HIVEP3: variants seen among roughly 807,000 people sequenced by gnomAD.
HIVEP3 encodes the protein transcription factor HIVEP3.
In HIVEP3, 49 loss-of-function variants were observed where a neutral mutation model predicts 152.8. The ratio of observed to expected loss-of-function variants is 0.32; its 90% CI spans 0.26 to 0.41. The LOEUF (loss-of-function observed/expected upper bound fraction) is 0.41. Ranked by LOEUF, HIVEP3 falls within the 10% of genes least tolerant of loss-of-function variation. The pLI is 1.00. For missense variants in HIVEP3, 2,790 were observed against 3,103.3 expected (o/e 0.90, Z 2.40); for synonymous variants, 1,269 against 1,289.0 (o/e 0.98, Z 0.33).
intron 1 of HIVEP3, among the ~76,000 whole-genome samples, chr1:41,978,347 A>G (rs1195098626): frequency 2.0e-5 from 3 of 152,046 alleles, no homozygotes; most frequent in Non-Finnish European, 4.4e-5. Context: ...CTGTCTTTGT[A>G]GATAGGGGCT....
At chr1:41,896,677 C>T (rs111944959) in intron 1 of HIVEP3, among the ~76,000 whole-genome samples, 5 of 151,412 alleles carry the variant, frequency 3.3e-5, no homozygotes, top group Non-Finnish European at 7.4e-5. Flanking sequence ...CGGGTTCAAG[C>T]GATTCTCCTG....
chr1:41,629,196 G>C (rs1045514565), intron 2 of HIVEP3, among the ~76,000 whole-genome samples: 3 of 152,120 alleles, frequency 2.0e-5, no homozygotes, highest in Admixed American at 2.0e-4. Flanking sequence ...CGGTTCCCCT[G>C]GTGCACAGAC....
At chr1:41,691,375 TGACATGAC>T (rs1376548430) in intron 2 of HIVEP3, among the ~76,000 whole-genome samples, 1 of 152,198 alleles carries the variant, frequency 6.6e-6, no homozygotes, top group East Asian at 1.9e-4. Context: ...AGATAACTAC[TGACATGAC>T]CATCTGCTAT....
intron 1 of HIVEP3, among the ~76,000 whole-genome samples, chr1:41,731,137 G>C (rs535837464): frequency 6.6e-6 from 1 of 152,128 alleles, no homozygotes; most frequent in Admixed American, 6.5e-5. Flanking sequence ...GGTGTACTGC[G>C]TACAGCTGTC....
chr1:41,715,794 C>T (rs1237908398), intron 1 of HIVEP3, among the ~76,000 whole-genome samples: 1 of 152,190 alleles, frequency 6.6e-6, no homozygotes, highest in Non-Finnish European at 1.5e-5. Context: ...TATCAAACAC[C>T]AGGCTTCATG....
chr1:41,958,322 CAT>C (rs1645151138), intron 1 of HIVEP3, among the ~76,000 whole-genome samples: 1 of 152,198 alleles, frequency 6.6e-6, no homozygotes, highest in Non-Finnish European at 1.5e-5. Flanking sequence ...GAGACAATGC[CAT>C]TGTAAGTAAA....
At chr1:42,034,765 T>C (rs6698877) in intron 1 of HIVEP3, among the ~76,000 whole-genome samples, 103,570 of 152,036 alleles carry the variant, frequency 0.68, 35,929 homozygotes, top group East Asian at 0.96. Flanking sequence ...TCAGTGTTTT[T>C]CTTAACTGAG....
At chr1:41,523,580 T>A (rs1485378929) in intron 6 of HIVEP3, among the ~76,000 whole-genome samples, 1 of 152,006 alleles carries the variant, frequency 6.6e-6, no homozygotes, top group Non-Finnish European at 1.5e-5. Flanking sequence ...TGACCTGGTA[T>A]AGAGAGAACG....
intron 8 of HIVEP3, 140 bp downstream of exon 8, chr1:41,512,676 A>G: frequency 1.4e-6 from 1 of 721,772 alleles, no homozygotes; most frequent in Non-Finnish European, 2.2e-6. Flanking sequence ...TAGGTGCCTA[A>G]TAAATGTTTG....
chr1:41,775,487 G>T (rs1374519912), intron 1 of HIVEP3, among the ~76,000 whole-genome samples: 3 of 151,852 alleles, frequency 2.0e-5, no homozygotes, highest in Admixed American at 6.6e-5. Flanking sequence ...GTTTGTTTGT[G>T]TTTTTGTTTT....
intron 1 of HIVEP3, among the ~76,000 whole-genome samples, chr1:41,961,469 T>C (rs746061136): frequency 2.0e-5 from 3 of 152,278 alleles, no homozygotes; most frequent in Admixed American, 6.5e-5. Context: ...GCATCTTGTA[T>C]TTCTGCCATC....
intron 3 of HIVEP3, among the ~76,000 whole-genome samples, chr1:41,587,194 C>T (rs1644518228): frequency 6.6e-6 from 1 of 152,108 alleles, no homozygotes; most frequent in Non-Finnish European, 1.5e-5. Flanking sequence ...TCAATGACAC[C>T]CCTCTGGTCA....
At chr1:41,638,940 G>A (rs1645329230) in intron 2 of HIVEP3, among the ~76,000 whole-genome samples, 1 of 152,222 alleles carries the variant, frequency 6.6e-6, no homozygotes, top group Non-Finnish European at 1.5e-5. Context: ...GGGGGCTTTG[G>A]ACTCTGGCAC....
chr1:41,807,253 G>T (rs349447), intron 1 of HIVEP3, among the ~76,000 whole-genome samples: 3 of 152,016 alleles, frequency 2.0e-5, no homozygotes, highest in Admixed American at 6.5e-5. Context: ...GTGTTAGCCA[G>T]GGCTCAAGAA....
At chr1:41,850,979 A>T (rs1324816062) in intron 1 of HIVEP3, among the ~76,000 whole-genome samples, 1 of 152,150 alleles carries the variant, frequency 6.6e-6, no homozygotes, top group Admixed American at 6.5e-5. Context: ...TTCCTCTTGC[A>T]GAGTATCTCC....
intron 5 of HIVEP3, among the ~76,000 whole-genome samples, chr1:41,561,732 C>G (rs1418614535): frequency 4.4e-4 from 4 of 9,008 alleles, no homozygotes; most frequent in Non-Finnish European, 2.3e-3. Context: ...CCAGGCTGGT[C>G]TCAAACTCCT....
intron 1 of HIVEP3, among the ~76,000 whole-genome samples, chr1:41,999,232 C>T (rs1045855530): frequency 4.6e-5 from 7 of 151,818 alleles, no homozygotes; most frequent in African/African-American, 4.8e-5. Context: ...ACGCATGCCC[C>T]GTACAGAAAG....
intron 1 of HIVEP3, among the ~76,000 whole-genome samples, chr1:41,928,792 G>A (rs1038169551): frequency 1.3e-5 from 2 of 152,174 alleles, no homozygotes; most frequent in African/African-American, 2.4e-5. Context: ...TGGCAAGAAT[G>A]CCACAGAAAT....
intron 1 of HIVEP3, among the ~76,000 whole-genome samples, chr1:41,785,923 G>A (rs1649322241): frequency 6.6e-6 from 1 of 152,226 alleles, no homozygotes; most frequent in South Asian, 2.1e-4. Context: ...TTCAACCCGG[G>A]AGGCAGGGAG....
Sources: gnomAD v4.1 joint callset for allele counts (sites outside exome capture counted in the v4.1 genomes callset) on GRCh38, gnomAD v4.1.1 for gene constraint, MANE v1.5 for transcripts, NCBI Gene and HGNC (gene_info 2026-07-23, HGNC 2026-07-21) for gene names.